The following DENND4B variants were observed in gnomAD, a reference collection of about 807,000 sequenced individuals.
DENND4B encodes the protein DENN domain containing 4B, also known as DENN domain-containing protein 4B.
A neutral mutation model predicts 161.0 loss-of-function variants in DENND4B; 67 were observed. The ratio of observed to expected loss-of-function variants is 0.42; its 90% CI spans 0.34 to 0.51. DENND4B has a LOEUF of 0.51. Ranked by LOEUF, DENND4B falls within the 20% of genes least tolerant of loss-of-function variation. The pLI, the probability that DENND4B is intolerant of heterozygous loss-of-function variation, is 0.08. For missense variants in DENND4B, 1,481 were observed against 1,968.0 expected (o/e 0.75, Z 4.68); for synonymous variants, 753 against 813.8 (o/e 0.93, Z 1.27).
rs373737768 is a variant in DENND4B, at chr1:153,933,778, G to A, written c.3035C>T (p.Pro1012Leu). 9.4e-5 allele frequency: 152 copies of A among 1,610,744 alleles called. No homozygotes were observed. The highest frequency in any genetic ancestry group is 8.8e-4 in the African/African-American group (66 of 74,870). Residue 1012 changes from proline to leucine, a missense_variant, in exon 20 of 28, where the codon CCG becomes CTG. By Grantham distance (98) the Pro-to-Leu change is moderately conservative (BLOSUM62 -3). Transcript: ENST00000361217. This position sits in a 1 kb window ranked among gnomAD's most constrained non-coding sequence, Gnocchi z 5.7. ...LSDLSLTGEE[P>L]LPGGSPGGSG... is the part of the protein sequence containing the mutation. ...GCCCCCTGGGCTGCCTCCAGGGAGC[G>A]GCTCCTCCCCTGTCAGGCTCAGGTC... is the stretch of plus-strand genomic sequence containing the variant.
chr1:153,940,461 C>G lies in DENND4B; in HGVS notation c.1472G>C (p.Cys491Ser), dbSNP rs779515729. 5 of 1,612,946 alleles carry G rather than the reference C, an allele frequency of 3.1e-6. No individual in the cohort carries two copies. Among genetic ancestry groups the G allele is most frequent in the Admixed American group, 1.7e-5 (1 of 59,866 alleles). ...GAGCGTGTTGGTATCAAGGTCTACACAGATGACATCAGCAGGCGGGTCATG... is the reference window on the plus strand; with the variant it reads ...GAGCGTGTTGGTATCAAGGTCTACAGAGATGACATCAGCAGGCGGGTCATG... ...DLHDPPADVI[C>S]VDLDTNTLFQ... is the part of the protein sequence containing the mutation. The change falls in exon 10 of 28, where the codon TGT (cysteine) becomes TCT (serine). Residue 491 changes from cysteine (C) to serine (S), a missense_variant. Physicochemically the swap from Cys to Ser is moderately radical, Grantham distance 112. Coordinates refer to ENST00000361217, the MANE Select transcript of DENND4B (RefSeq NM_014856.3). The surrounding 1 kb of genome is among the most constrained non-coding windows in gnomAD (Gnocchi z 5.6).
chr1:153,937,672 A>C lies in DENND4B; in HGVS notation c.2105+52T>G. On this transcript the variant is annotated intron_variant, in intron 14 of 27. Coordinates refer to ENST00000361217, the MANE Select transcript of DENND4B (RefSeq NM_014856.3). The surrounding 1 kb of genome is among the most constrained non-coding windows in gnomAD (Gnocchi z 4.7). ...GTCAGCACAGGGCGAAGCGAGTTGG[A>C]CTGGACCAGTCTATGGGACCCTGGA... 1 of 1,613,428 alleles carries C rather than the reference A, an allele frequency of 6.2e-7. No homozygotes were observed. The highest frequency in any genetic ancestry group is 8.5e-7 in the Non-Finnish European group (1 of 1,179,452).
rs1678825533 is a variant in DENND4B at position 153,930,271 on chromosome 1, A to G, written c.*26T>C. 1 of 1,606,072 alleles carries G rather than the reference A, an allele frequency of 6.2e-7. No individual in the cohort carries two copies. Among genetic ancestry groups the G allele is most frequent in the Non-Finnish European group, 8.5e-7 (1 of 1,173,800 alleles). On this transcript the variant is annotated 3_prime_UTR_variant, in exon 28 of 28. Coordinates refer to ENST00000361217, the MANE Select transcript of DENND4B (RefSeq NM_014856.3). This position sits in a 1 kb window ranked among gnomAD's most constrained non-coding sequence, Gnocchi z 4.7. ...CCCTTCTTCCTCACTTCCCCACCCT[A>G]GGCTGGAGAGGGAAGCTTAAGGTCT...
At position 153,940,672 on chromosome 1, in the gene DENND4B, G is replaced by C; in HGVS notation, c.1327-66C>G. On this transcript the variant is annotated intron_variant, in intron 9 of 27. Coordinates refer to ENST00000361217, the MANE Select transcript of DENND4B (RefSeq NM_014856.3). This position sits in a 1 kb window ranked among gnomAD's most constrained non-coding sequence, Gnocchi z 5.6. ...AGGCAGCAGTGGGAGGCACAGGAGA[G>C]AGAAAGAGAGGGCATTGGCCTTGGG... 1 of 1,563,722 alleles carries C rather than the reference G, an allele frequency of 6.4e-7. No homozygotes were observed. Among genetic ancestry groups the C allele is most frequent in the Non-Finnish European group, 8.7e-7 (1 of 1,152,556 alleles).
At position 153,937,337 on chromosome 1, in the gene DENND4B, C is replaced by T. The variant is rs1679405016; in HGVS notation, c.2232+151G>A. On this transcript the variant is annotated intron_variant, in intron 15 of 27. Coordinates refer to ENST00000361217, the MANE Select transcript of DENND4B (RefSeq NM_014856.3). This position sits in a 1 kb window ranked among gnomAD's most constrained non-coding sequence, Gnocchi z 4.7. ...GTGATAATAGCAACTAATGTTTATA[C>T]AGGGTTGCTTATGTGCCAAGCACAT... The T allele has an allele frequency of 8.9e-7, 1 of 1,129,372 alleles. No individual in the cohort carries two copies. Among genetic ancestry groups the T allele is most frequent in the Non-Finnish European group, 1.2e-6 (1 of 835,930 alleles). 70.0% of individuals were successfully genotyped at this position (1,129,372 alleles called of 1,614,324 possible).
At chr1:153,935,167 C>T (rs538184572) in intron 17 of DENND4B, 2 of 995,614 alleles carry the variant, frequency 2.0e-6, no homozygotes, top group South Asian at 3.9e-5. Context: ...TAGAAGAACC[C>T]AGAGGCAGTG....
chr1:153,933,910 C>T lies in DENND4B; in HGVS notation c.2942-39G>A. 1.3e-6 allele frequency: 2 copies of T among 1,589,842 alleles called. No individual in the cohort carries two copies. Among genetic ancestry groups the T allele is most frequent in the Non-Finnish European group, 1.7e-6 (2 of 1,173,792 alleles). ...AAGAATGAGGGAAGATGGACCCCAG[C>T]CTCTGCACCAACTTCCCCTTTCCTG... On this transcript the variant is annotated intron_variant, in intron 19 of 27. Coordinates refer to ENST00000361217, the MANE Select transcript of DENND4B (RefSeq NM_014856.3). The surrounding 1 kb of genome is among the most constrained non-coding windows in gnomAD (Gnocchi z 5.7).
Position 153,930,989 on chromosome 1 carries a change from G to A in DENND4B, c.4072C>T (p.Pro1358Ser). Residue 1358 changes from proline (P) to serine (S), a missense_variant, in exon 25 of 28, where the codon CCC becomes TCC. By Grantham distance (74) the Pro-to-Ser change is moderately conservative. Transcript: ENST00000361217. The surrounding 1 kb of genome is among the most constrained non-coding windows in gnomAD (Gnocchi z 4.7). ...ACATAGAGAGGTGGGCAGCTATTGGGGTCAGGGGTCAGTACATCCCACAGC... is the reference window on the plus strand; with the variant it reads ...ACATAGAGAGGTGGGCAGCTATTGGAGTCAGGGGTCAGTACATCCCACAGC... Reference protein sequence around the residue: ...RLLWDVLTPDPNSCPPLYVLW... With the variant: ...RLLWDVLTPDSNSCPPLYVLW... 6.2e-7 allele frequency: 1 copy of A among 1,613,278 alleles called. No homozygotes were observed. Among genetic ancestry groups the A allele is most frequent in the Non-Finnish European group, 8.5e-7 (1 of 1,179,672 alleles).
chr1:153,942,261 A>G lies in DENND4B; in HGVS notation c.736T>C (p.Cys246Arg). 9 of 1,613,854 alleles carry G rather than the reference A, an allele frequency of 5.6e-6. No individual in the cohort carries two copies. Among genetic ancestry groups the G allele is most frequent in the Non-Finnish European group, 7.6e-6 (9 of 1,179,854 alleles). The change falls in exon 5 of 28, where the codon TGC (cysteine) becomes CGC (arginine). Residue 246 changes from cysteine (C) to arginine (R), a missense_variant. By Grantham distance (180) the Cys-to-Arg change is radical. Around this residue, in one of 3 missense-constraint regions of DENND4B, gnomAD observed 806 missense variants for 1,134.4 expected, o/e 0.71. Coordinates refer to ENST00000361217, the MANE Select transcript of DENND4B (RefSeq NM_014856.3). The surrounding 1 kb of genome is among the most constrained non-coding windows in gnomAD (Gnocchi z 6.9). ...GGGTACTTGGTCTGGGCAGGCCAGC[A>G]CTCGATAGTGGCCCCCATGGGCAGG... is the stretch of plus-strand genomic sequence containing the variant. ...FCLPMGATIE[C>R]WPAQTKYPVP...
chr1:153,940,270 A>T lies in DENND4B; in HGVS notation c.1503-14T>A. 1 of 1,587,168 alleles carries T rather than the reference A, an allele frequency of 6.3e-7. No homozygotes were observed. Among genetic ancestry groups the T allele is most frequent in the Non-Finnish European group, 8.6e-7 (1 of 1,167,234 alleles). The stretch of plus-strand genomic sequence containing the variant: ...TTTTCCTCAGTCCTGTGAGAAAAGC[A>T]TAAGGGGAAAGAGTGGCGAGGCTCT... On this transcript the variant is annotated splice_polypyrimidine_tract_variant and intron_variant, in intron 10 of 27. Coordinates refer to ENST00000361217, the MANE Select transcript of DENND4B (RefSeq NM_014856.3). This position sits in a 1 kb window ranked among gnomAD's most constrained non-coding sequence, Gnocchi z 5.6.
In DENND4B at chr1:153,942,206, G is replaced by A. The variant is rs1487693891; in HGVS notation, c.791C>T (p.Thr264Met). ...ACCCACCTTATCACCAGCTGCACCCGTGAGCACAAAGGTGGAGAAGACGGG... is the reference window on the plus strand; with the variant it reads ...ACCCACCTTATCACCAGCTGCACCCATGAGCACAAAGGTGGAGAAGACGGG... Reference protein sequence around the residue: ...PVPVFSTFVLTGAAGDKVYGA... With the variant: ...PVPVFSTFVLMGAAGDKVYGA... Residue 264 changes from threonine (T) to methionine (M), a missense_variant, in exon 5 of 28, where the codon ACG becomes ATG. Physicochemically the swap from Thr to Met is moderately conservative, Grantham distance 81 (BLOSUM62 -1). This residue lies in a region of DENND4B where 806 missense variants were observed against 1,134.4 expected (regional missense o/e 0.71). Coordinates refer to ENST00000361217, the MANE Select transcript of DENND4B (RefSeq NM_014856.3). The surrounding 1 kb of genome is among the most constrained non-coding windows in gnomAD (Gnocchi z 6.9). 7 of 1,613,994 alleles carry A rather than the reference G, an allele frequency of 4.3e-6. No homozygotes were observed. The highest frequency in any genetic ancestry group is 5.9e-6 in the Non-Finnish European group (7 of 1,179,896).
Position 153,929,759 on chromosome 1 carries a change from A to T in DENND4B, c.*538T>A, listed in dbSNP as rs1236736646. 6.6e-6 allele frequency: 1 copy of T among 152,530 alleles called. No individual in the cohort carries two copies. Among genetic ancestry groups the T allele is most frequent in the Non-Finnish European group, 1.5e-5 (1 of 68,366 alleles). The allele number at this position is 152,530 out of a possible 1,614,324, so 9.4% of individuals were successfully genotyped here. On this transcript the variant is annotated 3_prime_UTR_variant, in exon 28 of 28. Transcript: ENST00000361217. ...TTCCCTTCCCTTTCTCACTCTCCAT[A>T]AGAACCTCATAAGCAAGGGGGCTGT... is the stretch of plus-strand genomic sequence containing the variant.
In DENND4B at chr1:153,934,220, G is replaced by A; in HGVS notation, c.2856C>T (p.Ala952=). 6.2e-7 allele frequency: 1 copy of A among 1,605,476 alleles called. No individual in the cohort carries two copies. The highest frequency in any genetic ancestry group is 8.5e-7 in the Non-Finnish European group (1 of 1,176,580). ...TCTTCACCAGGCGTCCAGGGGGTGA[G>A]GCTGGGTCTCTCAGACTTCGCCCAG... The part of the protein sequence containing the change: ...TWAGRSLRDP[A]SPPGRLVKSG... Residue 952 remains alanine, a synonymous_variant, in exon 19 of 28, where the codon GCC becomes GCT. Transcript: ENST00000361217. This position sits in a 1 kb window ranked among gnomAD's most constrained non-coding sequence, Gnocchi z 5.3.
chr1:153,941,773 C>CTGGGG, intron 6 of DENND4B, 96 bp downstream of exon 6: 23 of 1,426,290 alleles, frequency 1.6e-5, no homozygotes, highest in East Asian at 2.5e-5. Context: ...ACCCTGTGCC[C>CTGGGG]AGCCCTCCCC....
chr1:153,932,239 C>A lies in DENND4B; in HGVS notation c.3961G>T (p.Val1321Leu). The change falls in exon 24 of 28, where the codon GTG becomes TTG. Residue 1321 changes from valine (V) to leucine (L), a missense_variant. Around this residue, in one of 3 missense-constraint regions of DENND4B, gnomAD observed 336 missense variants for 503.3 expected, o/e 0.67. Transcript: ENST00000361217. The surrounding 1 kb of genome is among the most constrained non-coding windows in gnomAD (Gnocchi z 5.8). ...LRLPSILPGLVLASCDGPSHS... is the reference protein window; with the variant it reads ...LRLPSILPGLLLASCDGPSHS... ...GAAGGCCCATCACAGGAGGCCAGCACCAGGCCTGGTAGAATACTGGGCAGG... is the reference window on the plus strand; with the variant it reads ...GAAGGCCCATCACAGGAGGCCAGCAACAGGCCTGGTAGAATACTGGGCAGG... 1.2e-6 allele frequency: 2 copies of A among 1,613,970 alleles called. No homozygotes were observed.
rs571022094 is a variant in DENND4B at position 153,935,089 on chromosome 1, G to A, written c.2569-125C>T. On this transcript the variant is annotated intron_variant, in intron 17 of 27. Transcript: ENST00000361217. ...GCAGACATCCTGTCTAGGACTGTCC[G>A]GCCAATGGCTCAGCCAGGAACAAGA... 1.8e-5 allele frequency: 27 copies of A among 1,479,612 alleles called. No homozygotes were observed. The South Asian group carries it at 2.2e-4, about 12-fold the overall frequency. 91.7% of individuals were successfully genotyped at this position (1,479,612 alleles called of 1,614,324 possible).
rs185849678 is a variant in DENND4B at position 153,942,294 on chromosome 1, C to T, written c.703G>A (p.Val235Ile). The change falls in exon 5 of 28, where the codon GTC becomes ATC. Residue 235 changes from valine to isoleucine, a missense_variant. Physicochemically the swap from Val to Ile is conservative, Grantham distance 29. Around this residue, in one of 3 missense-constraint regions of DENND4B, gnomAD observed 806 missense variants for 1,134.4 expected, o/e 0.71. Transcript: ENST00000361217. This position sits in a 1 kb window ranked among gnomAD's most constrained non-coding sequence, Gnocchi z 6.9. ...GTGGCCCCCATGGGCAGGCAGAAGA[C>T]GGGCACTGACTCGGGCAGCGGGAAC... ...EAFPLPESVP[V>I]FCLPMGATIE... 249 of 1,613,788 alleles carry T rather than the reference C, an allele frequency of 1.5e-4. 3 individuals carry two copies. In the East Asian group the frequency reaches 4.8e-3, roughly 31 times the overall value.
Position 153,940,794 on chromosome 1 carries a change from G to A in DENND4B, c.1326+110C>T. On this transcript the variant is annotated intron_variant, in intron 9 of 27. Coordinates refer to ENST00000361217, the MANE Select transcript of DENND4B (RefSeq NM_014856.3). This position sits in a 1 kb window ranked among gnomAD's most constrained non-coding sequence, Gnocchi z 5.6. ...TCCTGCAGGCTGTGCCCAGGGAAAG[G>A]GGCTGAGGATCCTCCACAAGGAAGG... 1 of 1,468,218 alleles carries A rather than the reference G, an allele frequency of 6.8e-7. No homozygotes were observed. The highest frequency in any genetic ancestry group is 2.6e-5 in the Admixed American group (1 of 39,022). 90.9% of individuals were successfully genotyped at this position (1,468,218 alleles called of 1,614,324 possible). A position where few individuals can be genotyped will look rare whatever the true frequency, so the allele number is the denominator to read the frequency against.
chr1:153,941,915 G>C lies in DENND4B; in HGVS notation c.1009C>G (p.Leu337Val). Residue 337 changes from leucine to valine, a missense_variant, in exon 6 of 28, where the codon CTT becomes GTT. Around this residue, in one of 3 missense-constraint regions of DENND4B, gnomAD observed 806 missense variants for 1,134.4 expected, o/e 0.71. Coordinates refer to ENST00000361217, the MANE Select transcript of DENND4B (RefSeq NM_014856.3). ...GGGCCTGAGACGGAGTAGCGGTAAA[G>C]GAAGGTGAGGAAGGCGCGGAAGGCA... ...FPAFRAFLTFLYRYSVSGPHR... is the reference protein window; with the variant it reads ...FPAFRAFLTFVYRYSVSGPHR... 2.5e-6 allele frequency: 4 copies of C among 1,612,306 alleles called. No individual in the cohort carries two copies. The highest frequency in any genetic ancestry group is 3.4e-6 in the Non-Finnish European group (4 of 1,179,874).
Sources: gnomAD v4.1 joint callset for allele counts on GRCh38, gnomAD v4.1.1 for gene constraint, gnomAD v4.1.1 regional missense constraint, Gnocchi (gnomAD v3.1) non-coding constraint, MANE v1.5 for transcripts, NCBI Gene and HGNC (gene_info 2026-07-23, HGNC 2026-07-21) for gene names.